Variants in TSHR observed in about 807,000 individuals in gnomAD.
TSHR encodes thyrotropin receptor.
TSHR carries 51 observed loss-of-function variants against 64.1 expected under a neutral mutation model. That is an observed-to-expected ratio of 0.80 (90% CI 0.64 to 1.01). The LOEUF (loss-of-function observed/expected upper bound fraction) is 1.01, where lower values mean the gene tolerates loss of function less well. Among genes scored for constraint, TSHR ranks in the 50% least tolerant of loss-of-function variants. The pLI is 0.00. For missense variants in TSHR, 877 were observed against 942.8 expected (o/e 0.93, Z 0.91); for synonymous variants, 361 against 361.9 (o/e 1.00, Z 0.03).
intron 1 of TSHR, among the ~76,000 whole-genome samples, chr14:81,005,184 G>C (rs909503347): frequency 1.3e-5 from 2 of 151,476 alleles, no homozygotes; most frequent in African/African-American, 2.4e-5. Context: ...TCTCATGAAG[G>C]GGACTCAAGC....
intron 1 of TSHR, among the ~76,000 whole-genome samples, chr14:81,033,620 T>TAAAAA (rs558393145): frequency 0.015 from 1,972 of 131,112 alleles, 56 homozygotes; most frequent in South Asian, 0.12. Flanking sequence ...GGTCTTTTTC[T>TAAAAA]AAAAAAAAAA....
intron 3 of TSHR, chr14:81,078,700 C>T (rs1046550886): frequency 1.3e-5 from 2 of 152,202 alleles, no homozygotes; most frequent in African/African-American, 4.8e-5. Flanking sequence ...AGACGTCCAA[C>T]TGCACTGATG....
In TSHR at chr14:80,955,725, GC is replaced by G; in HGVS notation, c.48del (p.Arg17GlyfsTer41). On this transcript the variant is annotated frameshift_variant, in exon 1 of 10. Coordinates refer to ENST00000298171, the MANE Select transcript of TSHR (RefSeq NM_000369.5). LOFTEE classifies it high-confidence loss of function. ...LLQLVLLLDL[P>X]RDLGGMGCSS... The stretch of plus-strand genomic sequence containing the variant: ...TGCAGCTGGTGCTGCTGCTCGACCT[GC>G]CCAGGGACCTGGGCGGAATGGGGTG... The G allele has an allele frequency of 6.2e-7, 1 of 1,614,180 alleles. No homozygotes were observed. The highest frequency in any genetic ancestry group is 8.5e-7 in the Non-Finnish European group (1 of 1,180,032).
rs931835232 is a variant in TSHR at position 80,973,280 on chromosome 14, C to T, written c.170+17430C>T. The stretch of plus-strand genomic sequence containing the variant: ...ATTAGCCGGGCTAGGTGGCGGGTGC[C>T]TATAGTCCCAGCTACTCGGGAGGCT... On this transcript the variant is annotated intron_variant, in intron 1 of 9. Coordinates refer to ENST00000298171, the MANE Select transcript of TSHR (RefSeq NM_000369.5). Among the ~76,000 whole-genome samples, 9 of 151,790 alleles carry T rather than the reference C, an allele frequency of 5.9e-5. No individual in the cohort carries two copies. The East Asian group carries it at 1.8e-3, about 30-fold the overall frequency.
At chr14:81,055,412 C>T (rs1240755047) in intron 1 of TSHR, among the ~76,000 whole-genome samples, 1 of 152,188 alleles carries the variant, frequency 6.6e-6, no homozygotes, top group Admixed American at 6.5e-5. Flanking sequence ...TGAGGTACTG[C>T]CTAGTGGAAC....
intron 5 of TSHR, among the ~76,000 whole-genome samples, chr14:81,091,358 G>C (rs1888721214): frequency 6.6e-6 from 1 of 152,194 alleles, no homozygotes; most frequent in South Asian, 2.1e-4. Context: ...GCCAAGAACA[G>C]TTCCAGTGGA....
chr14:81,132,300 T>C (rs1464363668), intron 8 of TSHR, among the ~76,000 whole-genome samples: 6 of 152,194 alleles, frequency 3.9e-5, no homozygotes, highest in African/African-American at 1.4e-4. Context: ...GCAAGCCAAT[T>C]AGTGCTTCTT....
At chr14:80,980,722 C>A (rs1017370148) in intron 1 of TSHR, among the ~76,000 whole-genome samples, 2 of 152,142 alleles carry the variant, frequency 1.3e-5, no homozygotes, top group African/African-American at 2.4e-5. Context: ...CTATTCTTTT[C>A]TCATGTGAGT....
At chr14:81,129,574 C>G (rs185790171) in intron 8 of TSHR, among the ~76,000 whole-genome samples, 8 of 152,224 alleles carry the variant, frequency 5.3e-5, no homozygotes, top group Non-Finnish European at 1.2e-4. Flanking sequence ...CTTCCCCATT[C>G]CCTCTCCCAG....
At chr14:80,963,370 T>C (rs1887136449) in intron 1 of TSHR, among the ~76,000 whole-genome samples, 1 of 152,196 alleles carries the variant, frequency 6.6e-6, no homozygotes, top group Non-Finnish European at 1.5e-5. Context: ...GGTTGCCCTA[T>C]CCAAATGGAC....
At chr14:81,123,368 T>G (rs1890885718) in intron 8 of TSHR, among the ~76,000 whole-genome samples, 1 of 152,234 alleles carries the variant, frequency 6.6e-6, no homozygotes, top group African/African-American at 2.4e-5. Context: ...TGTCAAAATC[T>G]CCATTATTTT....
In TSHR at chr14:81,068,318, G is replaced by T. The variant is rs755428708; in HGVS notation, c.307G>T (p.Val103Leu). Residue 103 changes from valine (V) to leucine (L), a missense_variant, in exon 3 of 10, where the codon GTG (valine) becomes TTG (leucine). Physicochemically the swap from Val to Leu is conservative, Grantham distance 32. Transcript: ENST00000298171. ...ESHSFYNLSK[V>L]THIEIRNTRN... Reference sequence around the variant, plus strand: ...ACACTCCTTCTACAATTTGAGTAAAGTGACTCACATGTAAGTACAAGGAAA... The same window carrying T: ...ACACTCCTTCTACAATTTGAGTAAATTGACTCACATGTAAGTACAAGGAAA... 2.3e-5 allele frequency: 37 copies of T among 1,612,760 alleles called. No individual in the cohort carries two copies. In the South Asian group the frequency reaches 3.8e-4, roughly 17 times the overall value.
At chr14:81,044,381 C>CG (rs762901166) in intron 1 of TSHR, among the ~76,000 whole-genome samples, 3 of 152,014 alleles carry the variant, frequency 2.0e-5, no homozygotes, top group Non-Finnish European at 4.4e-5. Context: ...ACTATGAGGC[C>CG]GGGACAGTGG....
At chr14:81,035,809 TA>T (rs1353795432) in intron 1 of TSHR, among the ~76,000 whole-genome samples, 1 of 152,104 alleles carries the variant, frequency 6.6e-6, no homozygotes, top group East Asian at 1.9e-4. Flanking sequence ...AAACCCGCAA[TA>T]AAAGTCATTT....
intron 1 of TSHR, among the ~76,000 whole-genome samples, chr14:80,964,124 T>C (rs1887175929): frequency 1.3e-5 from 2 of 152,232 alleles, no homozygotes; most frequent in African/African-American, 4.8e-5. Context: ...CTCAGCACTT[T>C]GAGAGGCGGA....
chr14:81,128,342 G>C (rs1241018547), intron 8 of TSHR, among the ~76,000 whole-genome samples: 1 of 152,110 alleles, frequency 6.6e-6, no homozygotes, highest in Non-Finnish European at 1.5e-5. Flanking sequence ...TAAGTCCCCC[G>C]AGGTCACCTG....
Position 81,065,215 on chromosome 14 carries a change from C to T in TSHR, c.242+2996C>T, listed in dbSNP as rs114385874. On this transcript the variant is annotated intron_variant, in intron 2 of 9. Transcript: ENST00000298171. ...ACTATAAATGAACTTCCCGAAGCTC[C>T]ACCCCAGTACACACTTCTCCCAGGG... 6.3e-4 allele frequency among the ~76,000 whole-genome samples: 96 copies of T among 152,216 alleles called. 1 individual carries two copies. Among genetic ancestry groups the T allele is most frequent in the African/African-American group, 2.3e-3 (95 of 41,542 alleles).
rs1278953892 is a variant in TSHR, at chr14:81,032,532, GA to G, written c.171-29612del. Reference sequence around the variant, plus strand: ...TCAACAAATTCAAGTTCTTACCATGGAAAATTCAGAGAAGACTGTAGTGGTT... The same window carrying G: ...TCAACAAATTCAAGTTCTTACCATGGAAATTCAGAGAAGACTGTAGTGGTT... On this transcript the variant is annotated intron_variant, in intron 1 of 9. Transcript: ENST00000298171. The G allele has an allele frequency of 2.5e-5, 10 of 398,644 alleles. No individual in the cohort carries two copies. In the Admixed American group the frequency reaches 2.8e-4, roughly 11 times the overall value. The allele number at this position is 398,644 out of a possible 1,614,324, so 24.7% of individuals were successfully genotyped here. A position where few individuals can be genotyped will look rare whatever the true frequency, so the allele number is the denominator to read the frequency against.
chr14:81,076,932 C>G (rs545138206), intron 3 of TSHR, among the ~76,000 whole-genome samples: 1 of 152,194 alleles, frequency 6.6e-6, no homozygotes, highest in African/African-American at 2.4e-5. Context: ...ATGCTTCACT[C>G]CTGCACACCT....
Sources: gnomAD v4.1 joint callset for allele counts (sites outside exome capture counted in the v4.1 genomes callset) on GRCh38, gnomAD v4.1.1 for gene constraint, MANE v1.5 for transcripts, NCBI Gene and HGNC (gene_info 2026-07-23, HGNC 2026-07-21) for gene names.